The following CNTNAP3B variants were observed in gnomAD, a reference collection of about 807,000 sequenced individuals.
CNTNAP3B encodes the protein contactin-associated protein-like 3B.
A neutral mutation model predicts 108.9 loss-of-function variants in CNTNAP3B; 25 were observed. The observed-to-expected ratio is 0.23, with a 90% CI of 0.17 to 0.32. The LOEUF (loss-of-function observed/expected upper bound fraction) is 0.32, where lower values mean the gene tolerates loss of function less well. Among genes scored for constraint, CNTNAP3B ranks in the 10% least tolerant of loss-of-function variants. CNTNAP3B has a pLI of 1.00. For missense variants in CNTNAP3B, 252 were observed against 1,210.4 expected (o/e 0.21, Z 11.75); for synonymous variants, 103 against 473.4 (o/e 0.22, Z 10.16).
In CNTNAP3B at chr9:41,963,548, T is replaced by A. The variant is rs1249583257; in HGVS notation, c.1756+990A>T. On this transcript the variant is annotated intron_variant, in intron 11 of 23. Transcript: ENST00000377561. ...GAGAAGTGTTAGAATATGCCATCCCTTAGACATTGTTCTTACACTTAAATG... is the reference window on the plus strand; with the variant it reads ...GAGAAGTGTTAGAATATGCCATCCCATAGACATTGTTCTTACACTTAAATG... Among the ~76,000 whole-genome samples the A allele has an allele frequency of 2.7e-5, 4 of 150,870 alleles. No individual in the cohort carries two copies. The South Asian group carries it at 6.3e-4, about 24-fold the overall frequency.
intron 10 of CNTNAP3B, among the ~76,000 whole-genome samples, chr9:41,966,130 G>A (rs1825266118): frequency 6.6e-6 from 1 of 152,278 alleles, no homozygotes; most frequent in South Asian, 2.1e-4. Context: ...CTGGGGTGGG[G>A]GCCCACCCTC....
chr9:42,105,762 C>A (rs1828084292), intron 1 of CNTNAP3B, among the ~76,000 whole-genome samples: 1 of 99,998 alleles, frequency 1.0e-5, no homozygotes, highest in Non-Finnish European at 2.1e-5. Flanking sequence ...TATATTTTGT[C>A]ATAAAAAGGG....
intron 13 of CNTNAP3B, among the ~76,000 whole-genome samples, chr9:41,948,388 T>C (rs962326877): frequency 1.3e-5 from 2 of 152,214 alleles, no homozygotes; most frequent in African/African-American, 2.4e-5. Flanking sequence ...TGCCGGGCCT[T>C]ACTGGAGAAT....
chr9:42,088,852 G>T (rs1827759677), intron 2 of CNTNAP3B, among the ~76,000 whole-genome samples: 1 of 139,336 alleles, frequency 7.2e-6, no homozygotes, highest in Non-Finnish European at 1.5e-5. Flanking sequence ...TAACACCTAG[G>T]CACATTGGGA....
rs1330632036 is a variant in CNTNAP3B at position 42,077,360 on chromosome 9, C to A, written c.197-298G>T. ...TTTTGGAACTAGTGTTATTTCATAGCCCTTGTGCAAGATTTGCCCTTTGCC... is the reference window on the plus strand; with the variant it reads ...TTTTGGAACTAGTGTTATTTCATAGACCTTGTGCAAGATTTGCCCTTTGCC... On this transcript the variant is annotated intron_variant, in intron 2 of 23. Transcript: ENST00000377561. 1.5e-5 allele frequency among the ~76,000 whole-genome samples: 2 copies of A among 133,418 alleles called. 1 individual carries two copies. Among genetic ancestry groups the A allele is most frequent in the African/African-American group, 6.1e-5 (2 of 32,898 alleles). The allele number at this position is 133,418 out of a possible 152,430, so 87.5% of individuals were successfully genotyped here. A position where few individuals can be genotyped will look rare whatever the true frequency, so the allele number is the denominator to read the frequency against.
rs530734189 is a variant in CNTNAP3B, at chr9:42,097,328, G to A, written c.196+7301C>T. Among the ~76,000 whole-genome samples, 17 of 140,092 alleles carry A rather than the reference G, an allele frequency of 1.2e-4. 2 individuals carry two copies. Among genetic ancestry groups the A allele is most frequent in the Admixed American group, 2.1e-4 (3 of 14,140 alleles). 91.9% of individuals were successfully genotyped at this position (140,092 alleles called of 152,430 possible). A position where few individuals can be genotyped will look rare whatever the true frequency, so the allele number is the denominator to read the frequency against. ...AATTTTCAAACATTCCTCCCGCACC[G>A]CCTGTTCAGTTGCCTGGGTAAAACT... On this transcript the variant is annotated intron_variant, in intron 2 of 23. Coordinates refer to ENST00000377561, the MANE Select transcript of CNTNAP3B (RefSeq NM_001201380.3).
chr9:42,121,797 A>G (rs1381791831), intron 1 of CNTNAP3B, among the ~76,000 whole-genome samples: 1 of 140,406 alleles, frequency 7.1e-6, no homozygotes, highest in East Asian at 2.1e-4. Flanking sequence ...GAAGATGACC[A>G]TTGCACAGAC....
chr9:41,953,197 C>A lies in CNTNAP3B; in HGVS notation c.2066G>T (p.Arg689Leu), dbSNP rs549943187. The A allele has an allele frequency of 1.3e-6, 2 of 1,523,580 alleles. No homozygotes were observed. Among genetic ancestry groups the A allele is most frequent in the Admixed American group, 2.1e-5 (1 of 48,302 alleles). 94.4% of individuals were successfully genotyped at this position (1,523,580 alleles called of 1,614,324 possible). The change falls in exon 13 of 24, where the codon CGC (arginine) becomes CTC (leucine). Residue 689 changes from arginine (R) to leucine (L), a missense_variant. Physicochemically the swap from Arg to Leu is moderately radical, Grantham distance 102. Transcript: ENST00000377561. ...RLALRCGTAR[R>L]PDSRDGTPLS... ...GTGGCGCTTACCTCGTGAGTCCGGG[C>A]GCCGCGCTGTCCCGCAGCGCAGAGC...
At chr9:41,977,356 C>G (rs1376582722) in intron 9 of CNTNAP3B, among the ~76,000 whole-genome samples, 1 of 147,726 alleles carries the variant, frequency 6.8e-6, no homozygotes, top group Non-Finnish European at 1.5e-5. Context: ...AAATATTTTA[C>G]CTTTGAAATG....
chr9:41,950,598 G>A (rs1295600493), intron 13 of CNTNAP3B, among the ~76,000 whole-genome samples: 1 of 146,122 alleles, frequency 6.8e-6, no homozygotes, highest in Non-Finnish European at 1.5e-5. Context: ...TGAATCTAGA[G>A]AGGATTACAC....
At chr9:42,108,371 G>A (rs1193972583) in intron 1 of CNTNAP3B, among the ~76,000 whole-genome samples, 3 of 137,982 alleles carry the variant, frequency 2.2e-5, no homozygotes, top group Non-Finnish European at 4.6e-5. Flanking sequence ...GATCATGGTT[G>A]AAAATGATAT....
intron 1 of CNTNAP3B, among the ~76,000 whole-genome samples, chr9:42,108,777 C>T (rs1170998460): frequency 7.2e-6 from 1 of 139,522 alleles, no homozygotes. Context: ...TCCCCTGACC[C>T]CTGCCTGGCA....
At chr9:42,067,097 T>C (rs1827283636) in intron 3 of CNTNAP3B, among the ~76,000 whole-genome samples, 2 of 151,786 alleles carry the variant, frequency 1.3e-5, no homozygotes, top group African/African-American at 2.4e-5. Flanking sequence ...TTTGTATCTC[T>C]GAATAGAAAC....
rs570599555 is a variant in CNTNAP3B, at chr9:41,990,160, A to T, written c.1333+1450T>A. Among the ~76,000 whole-genome samples, 113 of 135,018 alleles carry T rather than the reference A, an allele frequency of 8.4e-4. 16 individuals carry two copies. The highest frequency in any genetic ancestry group is 3.2e-3 in the African/African-American group (107 of 33,662). The allele number at this position is 135,018 out of a possible 152,430, so 88.6% of individuals were successfully genotyped here. On this transcript the variant is annotated intron_variant, in intron 8 of 23. Transcript: ENST00000377561. ...ACTTATTCCATAATAAGACTATTTC[A>T]TTTCTACCTTGTGAAACTGATTCAC...
chr9:42,015,459 A>G lies in CNTNAP3B; in HGVS notation c.391-1934T>C, dbSNP rs904322191. Among the ~76,000 whole-genome samples the G allele has an allele frequency of 5.0e-5, 4 of 80,220 alleles. 1 individual carries two copies. The highest frequency in any genetic ancestry group is 1.9e-4 in the African/African-American group (4 of 20,580). The allele number at this position is 80,220 out of a possible 152,430, so 52.6% of individuals were successfully genotyped here. A position where few individuals can be genotyped will look rare whatever the true frequency, so the allele number is the denominator to read the frequency against. On this transcript the variant is annotated intron_variant, in intron 3 of 23. Coordinates refer to ENST00000377561, the MANE Select transcript of CNTNAP3B (RefSeq NM_001201380.3). ...TCTGCACTCACAACCTTCTGTCTGG[A>G]CAGCCCAGGCTGACCTATATAAAAT...
rs150934852 is a variant in CNTNAP3B, at chr9:42,115,213, C to T, written c.86-10474G>A. On this transcript the variant is annotated intron_variant, in intron 1 of 23. Transcript: ENST00000377561. ...TCATAAGAAAAAACAGAAGAAGCTG[C>T]ACTCTTTTGACAAAGCTCATAAGGC... 9.4e-3 allele frequency among the ~76,000 whole-genome samples: 1,302 copies of T among 138,432 alleles called. 220 individuals are homozygous for T. Among genetic ancestry groups the T allele is most frequent in the South Asian group, 0.043 (184 of 4,258 alleles). 90.8% of individuals were successfully genotyped at this position (138,432 alleles called of 152,430 possible). A position where few individuals can be genotyped will look rare whatever the true frequency, so the allele number is the denominator to read the frequency against.
chr9:41,917,982 A>G (rs1355347755), intron 18 of CNTNAP3B, among the ~76,000 whole-genome samples: 3,635 of 147,256 alleles, frequency 0.025, no homozygotes, highest in Non-Finnish European at 0.04. Context: ...TGATTAATAA[A>G]TGTTTCTTCA....
chr9:41,939,924 A>C (rs878905737), intron 13 of CNTNAP3B, among the ~76,000 whole-genome samples: 1 of 151,204 alleles, frequency 6.6e-6, no homozygotes, highest in Non-Finnish European at 1.5e-5. Context: ...AATTCTGAAA[A>C]GTAGAAAGAG....
chr9:41,933,925 A>G (rs1824057654), intron 14 of CNTNAP3B, among the ~76,000 whole-genome samples: 2 of 152,098 alleles, frequency 1.3e-5, no homozygotes, highest in African/African-American at 2.4e-5. Context: ...ACAATAATGT[A>G]TAATACATTC....
Sources: allele counts gnomAD v4.1 joint callset (sites outside exome capture counted in the v4.1 genomes callset), GRCh38; gene constraint gnomAD v4.1.1; transcripts MANE v1.5; gene names NCBI Gene and HGNC (gene_info 2026-07-23, HGNC 2026-07-21).